GDF11: variants seen among roughly 807,000 people sequenced by gnomAD.
GDF11 encodes growth differentiation factor 11, also known as growth/differentiation factor 11.
GDF11 carries 12 observed loss-of-function variants against 34.4 expected under a neutral mutation model. The observed-to-expected ratio is 0.35, with a 90% confidence interval of 0.22 to 0.57. The LOEUF is 0.57. Ranked by LOEUF, GDF11 falls within the 20% of genes least tolerant of loss-of-function variation. The pLI is 0.86. For synonymous variants in GDF11, 212 were observed against 231.1 expected, an observed-to-expected ratio of 0.92 and a Z score of 0.75; for missense variants, 346 against 548.2, an observed-to-expected ratio of 0.63 and a Z score of 3.68.
rs1878450253 is a variant in GDF11, at chr12:55,754,735, T to C, written c.*4853T>C. 6.6e-6 allele frequency: 1 copy of C among 152,238 alleles called. No homozygotes were observed. Among genetic ancestry groups the C allele is most frequent in the Non-Finnish European group, 1.5e-5 (1 of 68,040 alleles). The allele number at this position is 152,238 out of a possible 1,614,324, so 9.4% of individuals were successfully genotyped here. ...TATGGTAAGCAAATTGTAGTGTGAA[T>C]ACATGATATGAGAATATCACTTAAT... On this transcript the variant is annotated 3_prime_UTR_variant, in exon 3 of 3. Transcript: ENST00000257868.
At position 55,748,239 on chromosome 12, in the gene GDF11, G is replaced by A. The variant is rs1878224916; in HGVS notation, c.446-347G>A. Among the ~76,000 whole-genome samples the A allele has an allele frequency of 6.6e-6, 1 of 152,222 alleles. No homozygotes were observed. Among genetic ancestry groups the A allele is most frequent in the African/African-American group, 2.4e-5 (1 of 41,452 alleles). On this transcript the variant is annotated intron_variant, in intron 1 of 2. Coordinates refer to ENST00000257868, the MANE Select transcript of GDF11 (RefSeq NM_005811.5). The surrounding 1 kb of genome is among the most constrained non-coding windows in gnomAD (Gnocchi z 5.6). ...ATAAGAGGTATGGCTTCTATAAAGA[G>A]CTTCAAAGATTCAGAAAATGTTGGA...
At position 55,748,110 on chromosome 12, in the gene GDF11, G is replaced by A. The variant is rs1878221904; in HGVS notation, c.446-476G>A. On this transcript the variant is annotated intron_variant, in intron 1 of 2. Transcript: ENST00000257868. This position sits in a 1 kb window ranked among gnomAD's most constrained non-coding sequence, Gnocchi z 5.6. ...GGACCCTGGGTTATCCCCTCTCTGA[G>A]GCCATCTGTGTTATTTTGTGGGGGA... Among the ~76,000 whole-genome samples, 2 of 152,184 alleles carry A rather than the reference G, an allele frequency of 1.3e-5. No homozygotes were observed. Among genetic ancestry groups the A allele is most frequent in the African/African-American group, 4.8e-5 (2 of 41,456 alleles).
rs1395153758 is a variant in GDF11, at chr12:55,743,691, G to C, written c.375G>C (p.Gln125His). The C allele has an allele frequency of 6.2e-7, 1 of 1,601,994 alleles. No homozygotes were observed. The highest frequency in any genetic ancestry group is 8.5e-7 in the Non-Finnish European group (1 of 1,179,400). ...DLHDFQGDAL[Q>H]PEDFLEEDEY... ...ACGACTTCCAGGGCGACGCGCTGCA[G>C]CCCGAGGACTTCCTGGAGGAGGACG... The change falls in exon 1 of 3, where the codon CAG (glutamine) becomes CAC (histidine). Residue 125 changes from glutamine to histidine, a missense_variant. By Grantham distance (24) the Gln-to-His change is conservative. Transcript: ENST00000257868.
rs1337296039 is a variant in GDF11 at position 55,754,894 on chromosome 12, C to T, written c.*5012C>T. On this transcript the variant is annotated 3_prime_UTR_variant, in exon 3 of 3. Coordinates refer to ENST00000257868, the MANE Select transcript of GDF11 (RefSeq NM_005811.5). Reference sequence around the variant, plus strand: ...AGTAGTTGCTAAACAATATTACATTCTAATCTATCCTATTGAAAGTGATCC... The same window carrying T: ...AGTAGTTGCTAAACAATATTACATTTTAATCTATCCTATTGAAAGTGATCC... 1 of 152,148 alleles carries T rather than the reference C, an allele frequency of 6.6e-6. No individual in the cohort carries two copies. The highest frequency in any genetic ancestry group is 1.5e-5 in the Non-Finnish European group (1 of 68,042). 9.4% of individuals were successfully genotyped at this position (152,148 alleles called of 1,614,324 possible). A position where few individuals can be genotyped will look rare whatever the true frequency, so the allele number is the denominator to read the frequency against.
rs191256314 is a variant in GDF11, at chr12:55,744,322, C to T, written c.445+561C>T. Among the ~76,000 whole-genome samples, 1,433 of 152,260 alleles carry T rather than the reference C, an allele frequency of 9.4e-3. 10 individuals are homozygous for T. The highest frequency in any genetic ancestry group is 0.016 in the Non-Finnish European group (1,063 of 68,018). ...AGCTGGCACCCTTTCCATCCTGACC[C>T]CTGTCTCAGACCGGGTATCCCAAGG... On this transcript the variant is annotated intron_variant, in intron 1 of 2. Transcript: ENST00000257868.
Position 55,754,738 on chromosome 12 carries a change from A to G in GDF11, c.*4856A>G, listed in dbSNP as rs1383438521. The G allele has an allele frequency of 6.6e-6, 1 of 152,274 alleles. No homozygotes were observed. The highest frequency in any genetic ancestry group is 2.4e-5 in the African/African-American group (1 of 41,482). 9.4% of individuals were successfully genotyped at this position (152,274 alleles called of 1,614,324 possible). On this transcript the variant is annotated 3_prime_UTR_variant, in exon 3 of 3. Transcript: ENST00000257868. ...GGTAAGCAAATTGTAGTGTGAATAC[A>G]TGATATGAGAATATCACTTAATTCA...
At position 55,748,878 on chromosome 12, in the gene GDF11, C is replaced by T. The variant is rs140194817; in HGVS notation, c.738C>T (p.Ser246=). ...QSIDFKQVLH[S]WFRQPQSNWG... is the part of the protein sequence containing the mutation. ...TCGACTTCAAGCAAGTGCTACACAG[C>T]TGGTTCCGCCAGCCACAGAGCAACT... Residue 246 remains serine (S), a synonymous_variant, in exon 2 of 3, where the codon AGC becomes AGT. Transcript: ENST00000257868. This position sits in a 1 kb window ranked among gnomAD's most constrained non-coding sequence, Gnocchi z 5.6. The T allele has an allele frequency of 6.2e-7, 1 of 1,611,592 alleles. No individual in the cohort carries two copies. The highest frequency in any genetic ancestry group is 1.3e-5 in the African/African-American group (1 of 74,936).
intron 1 of GDF11, among the ~76,000 whole-genome samples, chr12:55,744,412 G>A (rs2136165086): frequency 6.6e-6 from 1 of 152,242 alleles, no homozygotes. Flanking sequence ...ATTGCGCTGG[G>A]GGCTAAGGAC....
Position 55,743,497 on chromosome 12 carries a change from G to A in GDF11, c.181G>A (p.Gly61Ser). 1.9e-6 allele frequency: 3 copies of A among 1,578,946 alleles called. No individual in the cohort carries two copies. Among genetic ancestry groups the A allele is most frequent in the Non-Finnish European group, 2.6e-6 (3 of 1,169,952 alleles). Residue 61 changes from glycine (G) to serine (S), a missense_variant, in exon 1 of 3, where the codon GGC (glycine) becomes AGC (serine). Gly to Ser is a moderately conservative substitution (Grantham distance 56). Coordinates refer to ENST00000257868, the MANE Select transcript of GDF11 (RefSeq NM_005811.5). Reference sequence around the variant, plus strand: ...CCCGTCCGTGGCGCCCGAGCCGGACGGCTGCCCCGTGTGCGTTTGGCGGCA... The same window carrying A: ...CCCGTCCGTGGCGCCCGAGCCGGACAGCTGCCCCGTGTGCGTTTGGCGGCA... The part of the protein sequence containing the change: ...PAPSVAPEPD[G>S]CPVCVWRQHS...
chr12:55,745,986 G>A (rs1878177191), intron 1 of GDF11, among the ~76,000 whole-genome samples: 1 of 152,022 alleles, frequency 6.6e-6, no homozygotes, highest in Non-Finnish European at 1.5e-5. Context: ...GTGTTTGGGG[G>A]GGTTAGGGTG....
chr12:55,743,301 T>G lies in GDF11; in HGVS notation c.-16T>G. On this transcript the variant is annotated 5_prime_UTR_variant, in exon 1 of 3. Coordinates refer to ENST00000257868, the MANE Select transcript of GDF11 (RefSeq NM_005811.5). The stretch of plus-strand genomic sequence containing the variant: ...GGCGTCCCCGCCCCCCAGTCCTCCC[T>G]CCCCTCCCCTCCAGCATGGTGCTCG... 1.6e-6 allele frequency: 1 copy of G among 642,846 alleles called. No individual in the cohort carries two copies. Among genetic ancestry groups the G allele is most frequent in the Non-Finnish European group, 1.9e-6 (1 of 526,208 alleles). 39.8% of individuals were successfully genotyped at this position (642,846 alleles called of 1,614,324 possible).
chr12:55,749,879 T>C lies in GDF11; in HGVS notation c.1221T>C (p.Ser407=). 2 of 1,611,492 alleles carry C rather than the reference T, an allele frequency of 1.2e-6. No homozygotes were observed. The highest frequency in any genetic ancestry group is 1.7e-6 in the Non-Finnish European group (2 of 1,178,298). The change falls in exon 3 of 3, where the codon TCT becomes TCC. Residue 407 remains serine (S), a synonymous_variant. Coordinates refer to ENST00000257868, the MANE Select transcript of GDF11 (RefSeq NM_005811.5). The surrounding 1 kb of genome is among the most constrained non-coding windows in gnomAD (Gnocchi z 5.6). The part of the protein sequence containing the change: ...PGMVVDRCGC[S] ...TGGTGGTGGATCGCTGTGGCTGCTC[T>C]TAAGGTGGGGGATAGAGGATGCCTC...
At position 55,754,921 on chromosome 12, in the gene GDF11, G is replaced by A. The variant is rs1193918240; in HGVS notation, c.*5039G>A. On this transcript the variant is annotated 3_prime_UTR_variant, in exon 3 of 3. Coordinates refer to ENST00000257868, the MANE Select transcript of GDF11 (RefSeq NM_005811.5). ...AATCTATCCTATTGAAAGTGATCCG[G>A]GAGGTAGAAACCTAAATACAGGAAT... The A allele has an allele frequency of 1.3e-5, 2 of 152,134 alleles. No individual in the cohort carries two copies. The highest frequency in any genetic ancestry group is 3.8e-4 in the East Asian group (2 of 5,198). 9.4% of individuals were successfully genotyped at this position (152,134 alleles called of 1,614,324 possible). A position where few individuals can be genotyped will look rare whatever the true frequency, so the allele number is the denominator to read the frequency against.
At chr12:55,744,516 A>G (rs1878138163) in intron 1 of GDF11, among the ~76,000 whole-genome samples, 4 of 152,166 alleles carry the variant, frequency 2.6e-5, no homozygotes, top group Admixed American at 2.6e-4. Context: ...AGGAAAAAAG[A>G]GAAAGTAGTA....
intron 1 of GDF11, among the ~76,000 whole-genome samples, chr12:55,744,362 T>G (rs1878134819): frequency 6.6e-6 from 1 of 152,178 alleles, no homozygotes. Flanking sequence ...GGAAAAGCTG[T>G]GCCTTCTTGA....
rs1185271684 is a variant in GDF11 at position 55,751,948 on chromosome 12, G to A, written c.*2066G>A. ...ATGTGACCACCCTTGAGAAGGTGAT[G>A]TTGGTGAGCTTTAACATCTTATTCC... On this transcript the variant is annotated 3_prime_UTR_variant, in exon 3 of 3. Coordinates refer to ENST00000257868, the MANE Select transcript of GDF11 (RefSeq NM_005811.5). The A allele has an allele frequency of 6.6e-6, 1 of 152,212 alleles. No individual in the cohort carries two copies. Among genetic ancestry groups the A allele is most frequent in the African/African-American group, 2.4e-5 (1 of 41,442 alleles). 9.4% of individuals were successfully genotyped at this position (152,212 alleles called of 1,614,324 possible). A position where few individuals can be genotyped will look rare whatever the true frequency, so the allele number is the denominator to read the frequency against.
At chr12:55,746,466 C>G (rs1878188168) in intron 1 of GDF11, among the ~76,000 whole-genome samples, 1 of 152,206 alleles carries the variant, frequency 6.6e-6, no homozygotes, top group African/African-American at 2.4e-5. Flanking sequence ...ACAGTCTCTT[C>G]TCTATTATCT....
chr12:55,744,398 C>T (rs1251107447), intron 1 of GDF11, among the ~76,000 whole-genome samples: 1 of 152,234 alleles, frequency 6.6e-6, no homozygotes, highest in Non-Finnish European at 1.5e-5. Context: ...GAGAGCTCAA[C>T]TCCATTGCGC....
At chr12:55,746,406 T>G (rs895099340) in intron 1 of GDF11, among the ~76,000 whole-genome samples, 1 of 152,218 alleles carries the variant, frequency 6.6e-6, no homozygotes, top group Non-Finnish European at 1.5e-5. Context: ...ATCTTTCCAC[T>G]CTAACTTCTA....
Sources: gnomAD v4.1 joint callset for allele counts (sites outside exome capture counted in the v4.1 genomes callset) on GRCh38, gnomAD v4.1.1 for gene constraint, Gnocchi (gnomAD v3.1) non-coding constraint, MANE v1.5 for transcripts, NCBI Gene and HGNC (gene_info 2026-07-23, HGNC 2026-07-21) for gene names.